The following ADGRG7 variants were observed in gnomAD, a reference collection of about 807,000 sequenced individuals.
The protein encoded by ADGRG7 is G-protein coupled receptor 128.
ADGRG7 carries 82 observed loss-of-function variants against 88.6 expected under a neutral mutation model. The observed-to-expected ratio is 0.93, with a 90% confidence interval of 0.77 to 1.11. ADGRG7 has a LOEUF of 1.11. ADGRG7 is among the 50% of genes most tolerant of loss of function. ADGRG7 has a pLI of 0.00. For synonymous variants in ADGRG7, 381 were observed against 345.2 expected, an observed-to-expected ratio of 1.10 and a Z score of -1.15; for missense variants, 945 against 953.4, an observed-to-expected ratio of 0.99 and a Z score of 0.12.
chr3:100,693,897 T>C (rs889331965), intron 15 of ADGRG7, among the ~76,000 whole-genome samples: 1 of 152,184 alleles, frequency 6.6e-6, no homozygotes, highest in African/African-American at 2.4e-5. Flanking sequence ...TTAAAAGCTA[T>C]GATACACTTT....
At chr3:100,649,996 G>C (rs2094926726) in intron 11 of ADGRG7, among the ~76,000 whole-genome samples, 189 bp downstream of exon 11, 1 of 152,152 alleles carries the variant, frequency 6.6e-6, no homozygotes. Context: ...TACAAATTGT[G>C]GCAAGTGCCT....
intron 14 of ADGRG7, chr3:100,665,269 A>G: frequency 1.8e-6 from 1 of 540,616 alleles, no homozygotes; most frequent in Admixed American, 1.9e-5. Context: ...TTATAACTAT[A>G]CACAATGAAA....
intron 10 of ADGRG7, among the ~76,000 whole-genome samples, chr3:100,647,209 G>T (rs890916430): frequency 6.6e-6 from 1 of 152,238 alleles, no homozygotes; most frequent in South Asian, 2.1e-4. Flanking sequence ...AAGGCAAGTA[G>T]AATAGAACTT....
chr3:100,620,457 G>T (rs943781886), intron 1 of ADGRG7, among the ~76,000 whole-genome samples: 2 of 152,158 alleles, frequency 1.3e-5, no homozygotes, highest in Admixed American at 1.3e-4. Flanking sequence ...ACATCATACT[G>T]AATGGGCAAA....
intron 15 of ADGRG7, among the ~76,000 whole-genome samples, chr3:100,688,456 T>C (rs995162562): frequency 2.6e-5 from 4 of 152,210 alleles, no homozygotes; most frequent in Non-Finnish European, 4.4e-5. Context: ...CTAGTTCTTT[T>C]AGTTGTGATG....
intron 15 of ADGRG7, among the ~76,000 whole-genome samples, chr3:100,687,269 A>G (rs186068177): frequency 6.6e-6 from 1 of 152,234 alleles, no homozygotes; most frequent in African/African-American, 2.4e-5. Context: ...GCTTAAGGAG[A>G]TTTTGGGCTG....
At chr3:100,688,005 A>C (rs138625791) in intron 15 of ADGRG7, among the ~76,000 whole-genome samples, 50,173 of 151,366 alleles carry the variant, frequency 0.33, 8,876 homozygotes, top group East Asian at 0.53. Flanking sequence ...TCCATCTGGT[A>C]CTGGACTTTT....
At chr3:100,611,714 G>C (rs1707157243) in intron 1 of ADGRG7, among the ~76,000 whole-genome samples, 1 of 152,182 alleles carries the variant, frequency 6.6e-6, no homozygotes, top group South Asian at 2.1e-4. Flanking sequence ...TAGCTTTGGG[G>C]TAAACCCGAT....
chr3:100,610,411 G>A (rs1485219952), intron 1 of ADGRG7, among the ~76,000 whole-genome samples: 1 of 152,146 alleles, frequency 6.6e-6, no homozygotes, highest in African/African-American at 2.4e-5. Context: ...TTTTAAGAGA[G>A]AAGTTAAAGA....
At chr3:100,614,835 G>A (rs1203149738) in intron 1 of ADGRG7, among the ~76,000 whole-genome samples, 1 of 152,096 alleles carries the variant, frequency 6.6e-6, no homozygotes, top group Non-Finnish European at 1.5e-5. Flanking sequence ...CAGCATGTAT[G>A]TGTTGTATAT....
chr3:100,669,366 G>C (rs1019188135), intron 15 of ADGRG7, among the ~76,000 whole-genome samples: 3 of 151,594 alleles, frequency 2.0e-5, no homozygotes, highest in Non-Finnish European at 4.4e-5. Context: ...GCGGGCGCCT[G>C]TAGTCCCAGC....
At chr3:100,623,964 G>T (rs1476255807) in intron 1 of ADGRG7, among the ~76,000 whole-genome samples, 1 of 152,036 alleles carries the variant, frequency 6.6e-6, no homozygotes, top group Non-Finnish European at 1.5e-5. Context: ...TGGACATTTG[G>T]GTTGGTTCCA....
chr3:100,674,931 A>G (rs1292629004), intron 15 of ADGRG7, among the ~76,000 whole-genome samples: 2 of 152,018 alleles, frequency 1.3e-5, no homozygotes, highest in Non-Finnish European at 2.9e-5. Context: ...CTACTAACTT[A>G]TGTATGTTAA....
At chr3:100,639,677 G>A (rs1032971779) in intron 6 of ADGRG7, among the ~76,000 whole-genome samples, 2 of 152,170 alleles carry the variant, frequency 1.3e-5, no homozygotes, top group African/African-American at 4.8e-5. Context: ...GCAGATTCTT[G>A]CTAGACGGGA....
chr3:100,666,247 G>C (rs2149033729), intron 14 of ADGRG7, among the ~76,000 whole-genome samples: 1 of 152,184 alleles, frequency 6.6e-6, no homozygotes. Flanking sequence ...AAAGAAATAG[G>C]GGGACCCGGG....
Position 100,692,112 on chromosome 3 carries a change from A to C in ADGRG7, c.2137-2632A>C, listed in dbSNP as rs9843588. On this transcript the variant is annotated intron_variant, in intron 15 of 15. Transcript: ENST00000273352. ...AGGAAAGTCTTTGATACAAAATGGA[A>C]ATTGTTAGGAAGGGCATTTGATCAG... Among the ~76,000 whole-genome samples the C allele has an allele frequency of 6.6e-3, 1,005 of 152,286 alleles. 9 individuals are homozygous for C. The highest frequency in any genetic ancestry group is 0.022 in the African/African-American group (910 of 41,544).
chr3:100,665,509 AC>A, intron 14 of ADGRG7: 1 of 482,574 alleles, frequency 2.1e-6, no homozygotes, highest in Non-Finnish European at 4.2e-6. Context: ...TGTTGCCTTC[AC>A]TTGGGCACCT....
intron 14 of ADGRG7, among the ~76,000 whole-genome samples, chr3:100,667,001 G>A (rs959452289): frequency 3.3e-5 from 5 of 152,202 alleles, no homozygotes; most frequent in African/African-American, 1.2e-4. Context: ...TCAAGGCAGA[G>A]GAATTTTTCT....
chr3:100,615,035 C>A (rs760851964), intron 1 of ADGRG7, among the ~76,000 whole-genome samples: 3 of 151,974 alleles, frequency 2.0e-5, no homozygotes, highest in Non-Finnish European at 2.9e-5. Flanking sequence ...AAATATGGAG[C>A]CTCAAATAAA....
Sources: gnomAD v4.1 joint callset for allele counts (sites outside exome capture counted in the v4.1 genomes callset) on GRCh38, gnomAD v4.1.1 for gene constraint, MANE v1.5 for transcripts, NCBI Gene and HGNC (gene_info 2026-07-23, HGNC 2026-07-21) for gene names.